Variants in GRIK4 observed in about 807,000 individuals in gnomAD.
The protein encoded by GRIK4 is glutamate ionotropic receptor kainate type subunit 4, also known as glutamate receptor ionotropic, kainate 4.
GRIK4 carries 40 observed loss-of-function variants against 104.9 expected under a neutral mutation model. That is an observed-to-expected ratio of 0.38 (90% CI 0.30 to 0.50). GRIK4 has a LOEUF of 0.50. Among genes scored for constraint, GRIK4 ranks in the 20% least tolerant of loss-of-function variants. The pLI is 0.93. For synonymous variants in GRIK4, 485 were observed against 524.9 expected, an observed-to-expected ratio of 0.92 and a Z score of 1.04; for missense variants, 1,047 against 1,308.1, an observed-to-expected ratio of 0.80 and a Z score of 3.08.
intron 1 of GRIK4, among the ~76,000 whole-genome samples, chr11:120,625,638 G>T (rs1055746294): frequency 2.6e-5 from 4 of 151,828 alleles, no homozygotes; most frequent in African/African-American, 7.3e-5. Context: ...AAACATTTTG[G>T]TCTGGGTCTC....
Position 120,986,485 on chromosome 11 carries a change from G to C in GRIK4, c.*225G>C. ...GAAACGTTGCACCCAAAGGGCAAAG[G>C]ACGGCCCTCCCTCCTGGGCACAAGG... On this transcript the variant is annotated 3_prime_UTR_variant, in exon 21 of 21. Coordinates refer to ENST00000527524, the MANE Select transcript of GRIK4 (RefSeq NM_014619.5). 3 of 565,148 alleles carry C rather than the reference G, an allele frequency of 5.3e-6. No homozygotes were observed. Among genetic ancestry groups the C allele is most frequent in the Non-Finnish European group, 8.8e-6 (3 of 339,698 alleles). 35.0% of individuals were successfully genotyped at this position (565,148 alleles called of 1,614,324 possible).
Position 120,815,423 on chromosome 11 carries a change from C to G in GRIK4, c.293C>G (p.Ser98Trp). The G allele has an allele frequency of 1.3e-6, 2 of 1,552,706 alleles. No homozygotes were observed. ...PKGVVAVLGP[S>W]SSPASSSIIS... ...GGGGTGGTCGCTGTCCTCGGACCAT[C>G]GTCCAGCCCAGCCTCCAGCTCCATC... is the stretch of plus-strand genomic sequence containing the variant. Residue 98 changes from serine to tryptophan, a missense_variant, in exon 5 of 21, where the codon TCG becomes TGG. Coordinates refer to ENST00000527524, the MANE Select transcript of GRIK4 (RefSeq NM_014619.5).
chr11:120,669,811 C>T (rs558280467), intron 3 of GRIK4, among the ~76,000 whole-genome samples: 92 of 152,316 alleles, frequency 6.0e-4, no homozygotes, highest in Non-Finnish European at 1.1e-3. Flanking sequence ...CTCTGCATGC[C>T]CACTCCCTGG....
At chr11:120,522,551 C>T (rs1947808493) in intron 1 of GRIK4, among the ~76,000 whole-genome samples, 1 of 152,104 alleles carries the variant, frequency 6.6e-6, no homozygotes, top group Admixed American at 6.5e-5. Flanking sequence ...GAACCCCTGA[C>T]CTCAGGTGAT....
chr11:120,878,015 C>T (rs867715749), intron 11 of GRIK4, among the ~76,000 whole-genome samples: 3 of 152,314 alleles, frequency 2.0e-5, no homozygotes, highest in Middle Eastern at 3.4e-3. Flanking sequence ...CTCCAGCAGC[C>T]GCTGCTCAGG....
At chr11:120,756,497 T>G (rs574220692) in intron 3 of GRIK4, among the ~76,000 whole-genome samples, 10 of 152,344 alleles carry the variant, frequency 6.6e-5, no homozygotes, top group Non-Finnish European at 1.0e-4. Flanking sequence ...TGTTTGTGGT[T>G]GTTCTTTATT....
At position 120,861,999 on chromosome 11, in the gene GRIK4, G is replaced by C. The variant is rs137906208; in HGVS notation, c.785G>C (p.Arg262Pro). The stretch of plus-strand genomic sequence containing the variant: ...AGAATGGACAGCCTTGTGGATGATC[G>C]TGTCAACATCCTGGGATTTTCCATT... The part of the protein sequence containing the change: ...LQRMDSLVDD[R>P]VNILGFSIFN... Residue 262 changes from arginine to proline, a missense_variant, in exon 9 of 21, where the codon CGT (arginine) becomes CCT (proline). Physicochemically the swap from Arg to Pro is moderately radical, Grantham distance 103 (BLOSUM62 -2). Around this residue, in one of 3 missense-constraint regions of GRIK4, gnomAD observed 447 missense variants for 514.9 expected, o/e 0.87. Transcript: ENST00000527524. 6.2e-7 allele frequency: 1 copy of C among 1,613,608 alleles called. No individual in the cohort carries two copies. Among genetic ancestry groups the C allele is most frequent in the South Asian group, 1.1e-5 (1 of 91,064 alleles).
chr11:120,769,916 T>C (rs1452941464), intron 3 of GRIK4, among the ~76,000 whole-genome samples: 1 of 152,218 alleles, frequency 6.6e-6, no homozygotes, highest in Non-Finnish European at 1.5e-5. Context: ...CACTTCTCCC[T>C]ATCTGGGAAC....
intron 1 of GRIK4, chr11:120,620,029 C>T: frequency 1.7e-6 from 1 of 590,788 alleles, no homozygotes; most frequent in Non-Finnish European, 3.1e-6. Flanking sequence ...CGTAGTGAAC[C>T]TGTGTGTAAA....
At chr11:120,964,346 A>G (rs1033535698) in intron 18 of GRIK4, among the ~76,000 whole-genome samples, 6 of 152,222 alleles carry the variant, frequency 3.9e-5, no homozygotes, top group Non-Finnish European at 8.8e-5. Flanking sequence ...CATAGGTAAT[A>G]ATATGGTTCA....
chr11:120,775,642 T>C (rs1287487660), intron 3 of GRIK4, among the ~76,000 whole-genome samples: 1 of 152,222 alleles, frequency 6.6e-6, no homozygotes, highest in Non-Finnish European at 1.5e-5. Context: ...TTTTACAAAT[T>C]ATCCTAGCAG....
chr11:120,729,327 A>C (rs1013076429), intron 3 of GRIK4, among the ~76,000 whole-genome samples: 2 of 152,230 alleles, frequency 1.3e-5, no homozygotes, highest in South Asian at 4.1e-4. Flanking sequence ...GTTTTTGAGG[A>C]ATTTCCATAC....
chr11:120,592,822 C>A (rs1390223267), intron 1 of GRIK4, among the ~76,000 whole-genome samples: 2 of 152,180 alleles, frequency 1.3e-5, no homozygotes, highest in Admixed American at 6.5e-5. Context: ...CAGCCCCTCA[C>A]CTTCTCAGGG....
intron 14 of GRIK4, among the ~76,000 whole-genome samples, chr11:120,949,038 C>T (rs954592747): frequency 1.3e-5 from 2 of 152,200 alleles, no homozygotes; most frequent in Admixed American, 1.3e-4. Context: ...GACTGCCTGG[C>T]TCCGGTGTCC....
chr11:120,550,796 G>A (rs939058467), intron 1 of GRIK4, among the ~76,000 whole-genome samples: 2 of 151,804 alleles, frequency 1.3e-5, no homozygotes, highest in Non-Finnish European at 2.9e-5. Flanking sequence ...AAGCCAGACT[G>A]GGGTGGTTGG....
chr11:120,884,054 T>C (rs1046117989), intron 11 of GRIK4, among the ~76,000 whole-genome samples: 11 of 152,322 alleles, frequency 7.2e-5, no homozygotes, highest in African/African-American at 2.6e-4. Context: ...GGGAGCCACA[T>C]GCAGCAGCAG....
Position 120,511,837 on chromosome 11 carries a change from C to T in GRIK4, c.-209C>T. 4 of 352,834 alleles carry T rather than the reference C, an allele frequency of 1.1e-5. 1 individual carries two copies. Among genetic ancestry groups the T allele is most frequent in the South Asian group, 5.7e-5 (3 of 52,754 alleles). 21.9% of individuals were successfully genotyped at this position (352,834 alleles called of 1,614,324 possible). The stretch of plus-strand genomic sequence containing the variant: ...CGGCCAACAGCAGCCCCGCGGCCGG[C>T]CCGGCAGCGCCCGGCCCCCGGCTCA... On this transcript the variant is annotated 5_prime_UTR_variant, in exon 1 of 21. Coordinates refer to ENST00000527524, the MANE Select transcript of GRIK4 (RefSeq NM_014619.5).
chr11:120,759,079 G>A lies in GRIK4; in HGVS notation c.83-43614G>A, dbSNP rs75520875. ...GTGCATAGCACAGGGATATTACTTC[G>A]TCCAGGAGGCCACAGGATGGCCTTC... is the stretch of plus-strand genomic sequence containing the variant. On this transcript the variant is annotated intron_variant, in intron 3 of 20. Coordinates refer to ENST00000527524, the MANE Select transcript of GRIK4 (RefSeq NM_014619.5). Among the ~76,000 whole-genome samples the A allele has an allele frequency of 2.7e-4, 41 of 152,234 alleles. 1 individual carries two copies. The East Asian group carries it at 6.6e-3, about 24-fold the overall frequency.
chr11:120,626,133 A>C (rs2135173966), intron 1 of GRIK4, among the ~76,000 whole-genome samples: 1 of 152,254 alleles, frequency 6.6e-6, no homozygotes, highest in South Asian at 2.1e-4. Flanking sequence ...AAAAGGATTC[A>C]TTGATTTGGG....
Sources: allele counts gnomAD v4.1 joint callset (sites outside exome capture counted in the v4.1 genomes callset), GRCh38; gene constraint gnomAD v4.1.1; regional missense constraint gnomAD v4.1.1; transcripts MANE v1.5; gene names NCBI Gene and HGNC (gene_info 2026-07-23, HGNC 2026-07-21).